The following IRAG2 variants were observed in gnomAD, a reference collection of about 807,000 sequenced individuals.
IRAG2 encodes the protein lymphoid restricted membrane protein.
In IRAG2, 45 loss-of-function variants were observed where a neutral mutation model predicts 69.9. The observed-to-expected ratio is 0.64, with a 90% CI of 0.51 to 0.83. The LOEUF is 0.83. Ranked by LOEUF, IRAG2 falls within the 40% of genes least tolerant of loss-of-function variation. The pLI, the probability that IRAG2 is intolerant of heterozygous loss-of-function variation, is 0.00. For synonymous variants in IRAG2, 193 were observed against 202.4 expected, an observed-to-expected ratio of 0.95 and a Z score of 0.40; for missense variants, 520 against 587.0, an observed-to-expected ratio of 0.89 and a Z score of 1.18.
At chr12:25,035,530 G>T (rs4963844) in intron 13 of IRAG2, 2 of 395,904 alleles carry the variant, frequency 5.1e-6, no homozygotes, top group African/African-American at 4.1e-5. Context: ...AATTTCACAA[G>T]ACTATTGAGA....
chr12:25,083,592 C>CCTG, intron 10 of IRAG2, 99 bp downstream of exon 10: 1 of 701,424 alleles, frequency 1.4e-6, no homozygotes, highest in South Asian at 1.9e-5. Context: ...CTCATTTATC[C>CCTG]TTTCAAAATA....
At chr12:25,067,356 C>T (rs1013779500) in intron 5 of IRAG2, among the ~76,000 whole-genome samples, 13 of 152,172 alleles carry the variant, frequency 8.5e-5, no homozygotes, top group Non-Finnish European at 2.9e-5. Context: ...TTTCCACACA[C>T]CAATCACTTC....
chr12:25,057,252 A>ATTTTTTTTTTT (rs368710047), intron 1 of IRAG2, among the ~76,000 whole-genome samples: 1 of 89,052 alleles, frequency 1.1e-5, no homozygotes, highest in East Asian at 3.9e-4. Flanking sequence ...AGGTAGACAG[A>ATTTTTTTTTTT]TTTTTTTTTT....
intron 5 of IRAG2, among the ~76,000 whole-genome samples, chr12:25,067,787 C>T (rs753854268): frequency 2.6e-5 from 4 of 152,088 alleles, no homozygotes; most frequent in South Asian, 2.1e-4. Flanking sequence ...CTCACCTCAG[C>T]CTTCTGAGTA....
chr12:25,026,335 C>A (rs1040430374), intron 8 of IRAG2, among the ~76,000 whole-genome samples: 1 of 152,068 alleles, frequency 6.6e-6, no homozygotes, highest in Admixed American at 6.5e-5. Context: ...GGGTGGTAAG[C>A]TAATCTAGGT....
chr12:25,075,044 C>T (rs763937240), intron 6 of IRAG2, among the ~76,000 whole-genome samples: 3 of 152,050 alleles, frequency 2.0e-5, no homozygotes, highest in South Asian at 2.1e-4. Context: ...TATAAATGAA[C>T]CTGAAAGTGG....
chr12:25,087,987 C>T (rs1947756533), intron 10 of IRAG2, 113 bp from the exon 11 acceptor site: 2 of 726,152 alleles, frequency 2.8e-6, no homozygotes, highest in Non-Finnish European at 4.8e-6. Flanking sequence ...TTGGGGACTG[C>T]TGTTATAGAG....
chr12:25,060,101 T>G (rs1272868240), intron 1 of IRAG2, among the ~76,000 whole-genome samples: 1 of 152,202 alleles, frequency 6.6e-6, no homozygotes, highest in Non-Finnish European at 1.5e-5. Context: ...TATATCCTTG[T>G]TTAAGTTTTG....
In IRAG2 at chr12:25,043,583, C is replaced by T. The variant is rs1944767865; in HGVS notation, c.2144+5446C>T. Among the ~76,000 whole-genome samples the T allele has an allele frequency of 2.0e-5, 3 of 151,948 alleles. No individual in the cohort carries two copies. In the South Asian group the frequency reaches 6.3e-4, roughly 32 times the overall value. The stretch of plus-strand genomic sequence containing the variant: ...TGTTTCAATTTTTCTGGATGCTGCC[C>T]AAAGAATTGGCTTCTGTCTTACCTG... On this transcript the variant is annotated intron_variant, in intron 16 of 38. Transcript: ENST00000636465.
chr12:25,055,496 T>A (rs1234772860), intron 1 of IRAG2, among the ~76,000 whole-genome samples: 1 of 152,246 alleles, frequency 6.6e-6, no homozygotes. Context: ...CTAGGGTACA[T>A]GTGTACAACG....
chr12:25,029,990 G>A (rs941140208), intron 9 of IRAG2, among the ~76,000 whole-genome samples: 1 of 152,184 alleles, frequency 6.6e-6, no homozygotes, highest in African/African-American at 2.4e-5. Context: ...ATGGTGGGAA[G>A]GGCACTTGGC....
chr12:25,098,066 T>C (rs372514904), intron 15 of IRAG2, among the ~76,000 whole-genome samples: 16 of 152,204 alleles, frequency 1.1e-4, no homozygotes, highest in African/African-American at 3.9e-4. Context: ...TGGCCAAGCT[T>C]ATACTCCACA....
chr12:25,009,080 A>T (rs1944454830), intron 2 of IRAG2, among the ~76,000 whole-genome samples: 1 of 152,216 alleles, frequency 6.6e-6, no homozygotes, highest in Non-Finnish European at 1.5e-5. Flanking sequence ...AGGTGGGAAG[A>T]TCACTTGAGG....
chr12:25,003,790 T>C (rs1200146875), upstream of IRAG2, among the ~76,000 whole-genome samples: 2 of 152,152 alleles, frequency 1.3e-5, no homozygotes, highest in Non-Finnish European at 2.9e-5. Flanking sequence ...ATAATACACA[T>C]AAAACACCTA....
upstream of IRAG2, among the ~76,000 whole-genome samples, chr12:25,051,501 G>A (rs868065276): frequency 2.6e-5 from 4 of 152,186 alleles, no homozygotes; most frequent in Non-Finnish European, 5.9e-5. Context: ...AATCATTGAG[G>A]TACTGGCATG....
At chr12:25,037,893 C>T (rs1310126603) in intron 15 of IRAG2, 6 of 397,404 alleles carry the variant, frequency 1.5e-5, no homozygotes, top group Non-Finnish European at 2.7e-5. Context: ...ATGGAATGTC[C>T]ACAGCTTTTT....
chr12:25,008,928 T>C (rs974874326), intron 2 of IRAG2, among the ~76,000 whole-genome samples: 6 of 152,212 alleles, frequency 3.9e-5, no homozygotes, highest in Admixed American at 2.0e-4. Context: ...CATCAAAAAA[T>C]TTTCTTCATA....
At chr12:25,101,375 C>T (rs773325616) in intron 16 of IRAG2, 50 bp downstream of exon 16, 41 of 1,352,710 alleles carry the variant, frequency 3.0e-5, no homozygotes, top group Non-Finnish European at 4.0e-5. Flanking sequence ...CTACATTCTC[C>T]TCTTTTTTGC....
At chr12:24,997,771 A>G in the IRAG2 span, among the ~76,000 whole-genome samples, 11 of 152,218 alleles carry the variant, frequency 7.2e-5, no homozygotes, top group Non-Finnish European at 1.6e-4. Context: ...GGCAAAAGGG[A>G]CAAACCTCCA....
Sources: gnomAD v4.1 joint callset for allele counts (sites outside exome capture counted in the v4.1 genomes callset) on GRCh38, gnomAD v4.1.1 for gene constraint, MANE v1.5 for transcripts, NCBI Gene and HGNC (gene_info 2026-07-23, HGNC 2026-07-21) for gene names.